Variants in CYBC1 observed in about 807,000 individuals in gnomAD.
CYBC1 encodes the protein cytochrome b-245 chaperone 1.
In CYBC1, 22 loss-of-function variants were observed where a neutral mutation model predicts 21.7. The ratio of observed to expected loss-of-function variants is 1.02; its 90% CI spans 0.73 to 1.45. CYBC1 has a LOEUF of 1.45. Ranked by LOEUF, CYBC1 falls within the 40% of genes most tolerant of loss-of-function variation. The pLI, the probability that CYBC1 is intolerant of heterozygous loss-of-function variation, is 0.00. For missense variants in CYBC1, 237 were observed against 242.1 expected (o/e 0.98, Z 0.14); for synonymous variants, 112 against 98.7 (o/e 1.13, Z -0.80).
chr17:82,449,562 C>T (rs947567719), intron 1 of CYBC1: 1 of 349,872 alleles, frequency 2.9e-6, no homozygotes, highest in Non-Finnish European at 5.1e-6. Context: ...CGAGCTACAG[C>T]TGCATCACCA....
chr17:82,443,221 G>A lies in CYBC1; in HGVS notation c.*783C>T, dbSNP rs113113340. 4.8e-4 allele frequency: 147 copies of A among 307,614 alleles called. No homozygotes were observed. The highest frequency in any genetic ancestry group is 7.7e-4 in the Non-Finnish European group (119 of 155,470). The allele number at this position is 307,614 out of a possible 1,614,324, so 19.1% of individuals were successfully genotyped here. ...CCACTGCGCCCGGCTGGAGCTCCCGGTTTTTAAGCACTGCACGATACTAGA... is the reference window on the plus strand; with the variant it reads ...CCACTGCGCCCGGCTGGAGCTCCCGATTTTTAAGCACTGCACGATACTAGA... On this transcript the variant is annotated 3_prime_UTR_variant, in exon 7 of 7. Transcript: ENST00000306645. This position sits in a 1 kb window ranked among gnomAD's most constrained non-coding sequence, Gnocchi z 6.7.
At chr17:82,444,792 G>T (rs138819358) in intron 5 of CYBC1, 1 of 613,022 alleles carries the variant, frequency 1.6e-6, no homozygotes, top group East Asian at 2.9e-5. Flanking sequence ...TGGGAAGGAC[G>T]TGCCCGCGGT....
intron 3 of CYBC1, 89 bp from the exon 4 acceptor site, chr17:82,446,785 C>T: frequency 7.4e-7 from 1 of 1,349,514 alleles, no homozygotes; most frequent in East Asian, 2.3e-5. Flanking sequence ...CAGACGCTGG[C>T]CAGAGCCCAC....
intron 3 of CYBC1, chr17:82,446,937 C>T (rs2054331001): frequency 7.0e-6 from 4 of 575,220 alleles, no homozygotes; most frequent in African/African-American, 1.9e-5. Flanking sequence ...GGCCTCTGCC[C>T]GTCTGGGCAG....
intron 6 of CYBC1, 38 bp downstream of exon 6, chr17:82,444,409 G>A: frequency 1.3e-6 from 2 of 1,572,760 alleles, no homozygotes; most frequent in Non-Finnish European, 1.7e-6. Flanking sequence ...ACCTGCTACG[G>A]CTGCAGCTCC....
At chr17:82,447,405 C>T (rs1173024790) in intron 3 of CYBC1, 175 bp downstream of exon 3, 6 of 648,184 alleles carry the variant, frequency 9.3e-6, no homozygotes, top group East Asian at 2.7e-5. Flanking sequence ...GCAGGATGGG[C>T]GTGCGGAAGA....
In CYBC1 at chr17:82,446,013, T is replaced by G. The variant is rs1250016785; in HGVS notation, c.202-53A>C. On this transcript the variant is annotated intron_variant, in intron 4 of 6. Coordinates refer to ENST00000306645, the MANE Select transcript of CYBC1 (RefSeq NM_001033046.4). ...TGAACCTCCAGGAACGGGGGCCCCGTGGCCGCTGGGGCCTCACCCCCACCC... is the reference window on the plus strand; with the variant it reads ...TGAACCTCCAGGAACGGGGGCCCCGGGGCCGCTGGGGCCTCACCCCCACCC... The G allele has an allele frequency of 1.0e-5, 15 of 1,462,826 alleles. No homozygotes were observed. The African/African-American group carries it at 1.1e-4, about 11-fold the overall frequency. The allele number at this position is 1,462,826 out of a possible 1,614,324, so 90.6% of individuals were successfully genotyped here.
Position 82,443,663 on chromosome 17 carries a change from A to C in CYBC1, c.*341T>G, listed in dbSNP as rs1438635220. 1 of 764,746 alleles carries C rather than the reference A, an allele frequency of 1.3e-6. No homozygotes were observed. Among genetic ancestry groups the C allele is most frequent in the Non-Finnish European group, 2.4e-6 (1 of 418,832 alleles). The allele number at this position is 764,746 out of a possible 1,614,324, so 47.4% of individuals were successfully genotyped here. On this transcript the variant is annotated 3_prime_UTR_variant, in exon 7 of 7. Coordinates refer to ENST00000306645, the MANE Select transcript of CYBC1 (RefSeq NM_001033046.4). This position sits in a 1 kb window ranked among gnomAD's most constrained non-coding sequence, Gnocchi z 6.7. ...CAGGCCCAGGCCTCACGATGGAGAA[A>C]GTCTGGATGTCCTGGTCTGGCCTGC...
At position 82,447,569 on chromosome 17, in the gene CYBC1, G is replaced by A; in HGVS notation, c.127+11C>T. ...GACAGTCATGGGGGGGTGGGGCGGGGGGTGCTTTACCTCCGCTGTAGTAGG... is the reference window on the plus strand; with the variant it reads ...GACAGTCATGGGGGGGTGGGGCGGGAGGTGCTTTACCTCCGCTGTAGTAGG... On this transcript the variant is annotated intron_variant, in intron 3 of 6. Coordinates refer to ENST00000306645, the MANE Select transcript of CYBC1 (RefSeq NM_001033046.4). The A allele has an allele frequency of 2.5e-6, 4 of 1,587,496 alleles. No individual in the cohort carries two copies. The highest frequency in any genetic ancestry group is 3.4e-6 in the Non-Finnish European group (4 of 1,164,816).
chr17:82,444,902 T>C, intron 5 of CYBC1: 1 of 283,694 alleles, frequency 3.5e-6, no homozygotes. Flanking sequence ...GCACTGTTCC[T>C]CCAGGTCTCC....
At position 82,443,362 on chromosome 17, in the gene CYBC1, T is replaced by C; in HGVS notation, c.*642A>G. 1 of 463,966 alleles carries C rather than the reference T, an allele frequency of 2.2e-6. No individual in the cohort carries two copies. The highest frequency in any genetic ancestry group is 2.0e-5 in the South Asian group (1 of 50,482). The allele number at this position is 463,966 out of a possible 1,614,324, so 28.7% of individuals were successfully genotyped here. On this transcript the variant is annotated 3_prime_UTR_variant, in exon 7 of 7. Coordinates refer to ENST00000306645, the MANE Select transcript of CYBC1 (RefSeq NM_001033046.4). This position sits in a 1 kb window ranked among gnomAD's most constrained non-coding sequence, Gnocchi z 6.7. The stretch of plus-strand genomic sequence containing the variant: ...TGGTCTATGCGCCGAGATCCTGGCA[T>C]CAGCAAGGGAGGCGGGTCCTCGGGG...
chr17:82,446,890 CCA>C, intron 3 of CYBC1, 194 bp from the exon 4 acceptor site: 6 of 602,764 alleles, frequency 1.0e-5, no homozygotes, highest in Non-Finnish European at 1.8e-5. Flanking sequence ...GCTCTGACCC[CCA>C]GAGTCCACGT....
chr17:82,449,053 T>C (rs939878210), intron 2 of CYBC1, 117 bp downstream of exon 2: 3 of 804,748 alleles, frequency 3.7e-6, no homozygotes, highest in African/African-American at 3.5e-5. Flanking sequence ...AGAAACAAAA[T>C]AGCCATTAGA....
rs2143669184 is a variant in CYBC1 at position 82,442,838 on chromosome 17, A to C, written c.*1166T>G. 4.3e-6 allele frequency: 2 copies of C among 468,992 alleles called. No individual in the cohort carries two copies. Among genetic ancestry groups the C allele is most frequent in the East Asian group, 3.4e-5 (1 of 29,850 alleles). The allele number at this position is 468,992 out of a possible 1,614,324, so 29.1% of individuals were successfully genotyped here. A position where few individuals can be genotyped will look rare whatever the true frequency, so the allele number is the denominator to read the frequency against. ...CGCCTAGGGGCTCACAGGGCCCAGGAGTCCCCAGCTCACAGGCCAGGGCAT... is the reference window on the plus strand; with the variant it reads ...CGCCTAGGGGCTCACAGGGCCCAGGCGTCCCCAGCTCACAGGCCAGGGCAT... On this transcript the variant is annotated 3_prime_UTR_variant, in exon 7 of 7. Transcript: ENST00000306645. The surrounding 1 kb of genome is among the most constrained non-coding windows in gnomAD (Gnocchi z 6.8).
chr17:82,446,383 A>G (rs990757991), intron 4 of CYBC1, among the ~76,000 whole-genome samples: 27 of 152,224 alleles, frequency 1.8e-4, no homozygotes, highest in African/African-American at 6.5e-4. Flanking sequence ...ACTTTGGTGA[A>G]GATAGTCATG....
At chr17:82,446,572 C>G (rs758364341) in intron 4 of CYBC1, 51 bp downstream of exon 4, 303 of 1,583,182 alleles carry the variant, frequency 1.9e-4, no homozygotes, top group Non-Finnish European at 2.6e-4. Flanking sequence ...TTGCAAAAAA[C>G]CCAGGAGCTG....
In CYBC1 at chr17:82,443,237, C is replaced by T. The variant is rs548184691; in HGVS notation, c.*767G>A. Reference sequence around the variant, plus strand: ...GAGCTCCCGGTTTTTAAGCACTGCACGATACTAGAAGAGCTGACCTTTTTT... The same window carrying T: ...GAGCTCCCGGTTTTTAAGCACTGCATGATACTAGAAGAGCTGACCTTTTTT... On this transcript the variant is annotated 3_prime_UTR_variant, in exon 7 of 7. Coordinates refer to ENST00000306645, the MANE Select transcript of CYBC1 (RefSeq NM_001033046.4). This position sits in a 1 kb window ranked among gnomAD's most constrained non-coding sequence, Gnocchi z 6.7. 5 of 343,620 alleles carry T rather than the reference C, an allele frequency of 1.5e-5. No homozygotes were observed. Among genetic ancestry groups the T allele is most frequent in the Non-Finnish European group, 1.1e-5 (2 of 173,990 alleles). The allele number at this position is 343,620 out of a possible 1,614,324, so 21.3% of individuals were successfully genotyped here.
intron 6 of CYBC1, 106 bp downstream of exon 6, chr17:82,444,341 A>G (rs1459821987): frequency 1.2e-5 from 18 of 1,505,372 alleles, no homozygotes; most frequent in African/African-American, 1.4e-5. Flanking sequence ...TGTCCCGTCC[A>G]CAAACTCATC....
chr17:82,446,034 C>A, intron 4 of CYBC1, 74 bp from the exon 5 acceptor site: 2 of 1,208,128 alleles, frequency 1.7e-6, no homozygotes, highest in East Asian at 2.4e-5. Context: ...GCCTCACCCC[C>A]ACCCTCACCA....
Sources: gnomAD v4.1 joint callset for allele counts (sites outside exome capture counted in the v4.1 genomes callset) on GRCh38, gnomAD v4.1.1 for gene constraint, Gnocchi (gnomAD v3.1) non-coding constraint, MANE v1.5 for transcripts, NCBI Gene and HGNC (gene_info 2026-07-23, HGNC 2026-07-21) for gene names.